The following TGFB2 variants were observed in gnomAD, a reference collection of about 807,000 sequenced individuals.
The protein encoded by TGFB2 is transforming growth factor beta-2 proprotein.
In TGFB2, 13 loss-of-function variants were observed where a neutral mutation model predicts 42.7. The observed-to-expected ratio is 0.30, with a 90% CI of 0.20 to 0.48. TGFB2 has a LOEUF of 0.48. TGFB2 is among the 20% of genes least tolerant of loss of function. The pLI, the probability that TGFB2 is intolerant of heterozygous loss-of-function variation, is 0.99. For synonymous variants in TGFB2, 193 were observed against 193.6 expected, an observed-to-expected ratio of 1.00 and a Z score of 0.03; for missense variants, 390 against 517.5, an observed-to-expected ratio of 0.75 and a Z score of 2.39.
In TGFB2 at chr1:218,406,337, G is replaced by T. The variant is rs568862885; in HGVS notation, c.510+1005G>T. Among the ~76,000 whole-genome samples, 16 of 146,868 alleles carry T rather than the reference G, an allele frequency of 1.1e-4. No individual in the cohort carries two copies. The East Asian group carries it at 3.0e-3, about 28-fold the overall frequency. On this transcript the variant is annotated intron_variant, in intron 2 of 6. Coordinates refer to ENST00000366930, the MANE Select transcript of TGFB2 (RefSeq NM_003238.6). The stretch of plus-strand genomic sequence containing the variant: ...TGATGATGAAATGCCAACTTGCTGA[G>T]ATTTTCAGAGATGTTCTTAAAAGCT...
At chr1:218,385,593 A>C (rs1039094206) in intron 1 of TGFB2, among the ~76,000 whole-genome samples, 1 of 152,218 alleles carries the variant, frequency 6.6e-6, no homozygotes, top group Non-Finnish European at 1.5e-5. Context: ...GACTAAGACC[A>C]AGATCTTCTC....
chr1:218,388,354 A>G (rs1658205682), intron 1 of TGFB2, among the ~76,000 whole-genome samples: 1 of 152,202 alleles, frequency 6.6e-6, no homozygotes, highest in Admixed American at 6.5e-5. Flanking sequence ...GGGAAATTTT[A>G]AAGTTCAGTA....
intron 2 of TGFB2, 139 bp from the exon 3 acceptor site, chr1:218,433,943 C>G: frequency 8.9e-7 from 1 of 1,120,454 alleles, no homozygotes; most frequent in Non-Finnish European, 1.3e-6. Context: ...TGTGACCATG[C>G]AATTGAGATG....
At chr1:218,400,622 C>T (rs1183759862) in intron 1 of TGFB2, among the ~76,000 whole-genome samples, 1 of 152,192 alleles carries the variant, frequency 6.6e-6, no homozygotes, top group Non-Finnish European at 1.5e-5. Flanking sequence ...CATTAAAGAA[C>T]TCATTCATGT....
At position 218,346,900 on chromosome 1, in the gene TGFB2, G is replaced by A. The variant is rs201761868; in HGVS notation, c.199G>A (p.Val67Met). The A allele has an allele frequency of 2.7e-4, 437 of 1,614,122 alleles. 1 individual carries two copies. The highest frequency in any genetic ancestry group is 3.5e-4 in the Non-Finnish European group (418 of 1,180,054). The change falls in exon 1 of 7, where the codon GTG (valine) becomes ATG (methionine). Residue 67 changes from valine to methionine, a missense_variant. By Grantham distance (21) the Val-to-Met change is conservative (BLOSUM62 1). Transcript: ENST00000366930. The surrounding 1 kb of genome is among the most constrained non-coding windows in gnomAD (Gnocchi z 4.9). ...TGAGCCCGAGGAAGTCCCCCCGGAG[G>A]TGATTTCCATCTACAACAGCACCAG... ...YPEPEEVPPE[V>M]ISIYNSTRDL... is the part of the protein sequence containing the mutation.
At chr1:218,387,254 A>T (rs1571859510) in intron 1 of TGFB2, among the ~76,000 whole-genome samples, 1 of 151,560 alleles carries the variant, frequency 6.6e-6, no homozygotes, top group African/African-American at 2.4e-5. Context: ...AGGGGAGTGG[A>T]GGGGAGACAG....
At chr1:218,411,607 C>T (rs1017165718) in intron 2 of TGFB2, among the ~76,000 whole-genome samples, 10 of 152,126 alleles carry the variant, frequency 6.6e-5, no homozygotes, top group Admixed American at 1.3e-4. Context: ...TGGTGGCTTA[C>T]GCATGTAATC....
chr1:218,424,052 T>G (rs1659542323), intron 2 of TGFB2, among the ~76,000 whole-genome samples: 1 of 152,230 alleles, frequency 6.6e-6, no homozygotes, highest in Non-Finnish European at 1.5e-5. Context: ...TGGAATGGAT[T>G]GATTGTCAGG....
In TGFB2 at chr1:218,346,627, A is replaced by G; in HGVS notation, c.-75A>G. 7.5e-7 allele frequency: 1 copy of G among 1,330,422 alleles called. No individual in the cohort carries two copies. Among genetic ancestry groups the G allele is most frequent in the East Asian group, 2.4e-5 (1 of 40,864 alleles). The allele number at this position is 1,330,422 out of a possible 1,614,324, so 82.4% of individuals were successfully genotyped here. On this transcript the variant is annotated 5_prime_UTR_variant, in exon 1 of 7. Transcript: ENST00000366930. The surrounding 1 kb of genome is among the most constrained non-coding windows in gnomAD (Gnocchi z 4.9). ...AAAACCAAACAACTCTCCTTGATCTATACTTTGAGAATTGTTGATTTCTTT... is the reference window on the plus strand; with the variant it reads ...AAAACCAAACAACTCTCCTTGATCTGTACTTTGAGAATTGTTGATTTCTTT...
intron 2 of TGFB2, among the ~76,000 whole-genome samples, chr1:218,409,976 A>T (rs1370216363): frequency 6.6e-6 from 1 of 152,194 alleles, no homozygotes; most frequent in African/African-American, 2.4e-5. Context: ...TAGGCACTCC[A>T]CCAGGTTTGG....
At chr1:218,361,100 G>T (rs563344286) in intron 1 of TGFB2, among the ~76,000 whole-genome samples, 89 of 152,330 alleles carry the variant, frequency 5.8e-4, no homozygotes, top group Non-Finnish European at 8.2e-4. Flanking sequence ...TGGTCTGCCT[G>T]CCTCGGCCTC....
chr1:218,423,531 G>T (rs1239071502), intron 2 of TGFB2, among the ~76,000 whole-genome samples: 2 of 152,152 alleles, frequency 1.3e-5, no homozygotes, highest in African/African-American at 4.8e-5. Flanking sequence ...TGTTTTTTAG[G>T]AGAAAACTGG....
intron 1 of TGFB2, among the ~76,000 whole-genome samples, chr1:218,392,040 CA>C (rs1658331242): frequency 6.6e-6 from 1 of 152,118 alleles, no homozygotes; most frequent in Non-Finnish European, 1.5e-5. Flanking sequence ...AGAGAAGATG[CA>C]AAAACTGGCT....
intron 2 of TGFB2, among the ~76,000 whole-genome samples, chr1:218,419,066 C>G (rs756518445): frequency 1.3e-5 from 2 of 152,164 alleles, no homozygotes; most frequent in Non-Finnish European, 2.9e-5. Flanking sequence ...AGATCAAAGT[C>G]TTCTCTTTAA....
At chr1:218,350,998 C>CT (rs1656852306) in intron 1 of TGFB2, among the ~76,000 whole-genome samples, 1 of 152,138 alleles carries the variant, frequency 6.6e-6, no homozygotes, top group Non-Finnish European at 1.5e-5. Context: ...ATGAGATTCC[C>CT]TTTGTAGTTG....
At chr1:218,402,063 G>T (rs572541351) in intron 1 of TGFB2, among the ~76,000 whole-genome samples, 4 of 152,288 alleles carry the variant, frequency 2.6e-5, no homozygotes, top group East Asian at 1.9e-4. Context: ...AGGGGTAGTT[G>T]GTTCTTCAGT....
intron 1 of TGFB2, among the ~76,000 whole-genome samples, chr1:218,364,397 C>G (rs1657317439): frequency 6.6e-6 from 1 of 152,192 alleles, no homozygotes. Context: ...TGAATGCTTA[C>G]TATATGCTGG....
intron 1 of TGFB2, among the ~76,000 whole-genome samples, chr1:218,370,459 G>A (rs1657534739): frequency 6.6e-6 from 1 of 152,160 alleles, no homozygotes; most frequent in Admixed American, 6.5e-5. Context: ...TTGAAATACT[G>A]AGACTAGAGA....
chr1:218,346,006 C>G lies in TGFB2; in HGVS notation c.-696C>G, dbSNP rs540942039. ...ACCGAGTACCGAGCGCCCTGCGAAG[C>G]GCACCCTCCTCCCCGCGGTGCGCTG... is the stretch of plus-strand genomic sequence containing the variant. On this transcript the variant is annotated 5_prime_UTR_variant, in exon 1 of 7. Transcript: ENST00000366930. This position sits in a 1 kb window ranked among gnomAD's most constrained non-coding sequence, Gnocchi z 4.9. Among the ~76,000 whole-genome samples, 7 of 151,812 alleles carry G rather than the reference C, an allele frequency of 4.6e-5. No individual in the cohort carries two copies. Among genetic ancestry groups the G allele is most frequent in the Non-Finnish European group, 7.4e-5 (5 of 67,908 alleles).
Sources: allele counts gnomAD v4.1 joint callset (sites outside exome capture counted in the v4.1 genomes callset), GRCh38; gene constraint gnomAD v4.1.1; non-coding constraint Gnocchi (gnomAD v3.1); transcripts MANE v1.5; gene names NCBI Gene and HGNC (gene_info 2026-07-23, HGNC 2026-07-21).